The following VWA3B variants were observed in gnomAD, a reference collection of about 807,000 sequenced individuals.
VWA3B encodes von Willebrand factor A domain-containing protein 3B.
In VWA3B, 138 loss-of-function variants were observed where a neutral mutation model predicts 158.3. The ratio of observed to expected loss-of-function variants is 0.87; its 90% confidence interval spans 0.76 to 1.00. The LOEUF (loss-of-function observed/expected upper bound fraction) is 1.00, where lower values mean the gene tolerates loss of function less well. Among genes scored for constraint, VWA3B ranks in the 50% least tolerant of loss-of-function variants. VWA3B has a pLI of 0.00. For missense variants in VWA3B, 1,555 were observed against 1,565.1 expected, an observed-to-expected ratio of 0.99 and a Z score of 0.11; for synonymous variants, 596 against 587.3, an observed-to-expected ratio of 1.01 and a Z score of -0.21.
chr2:98,244,827 T>G (rs914347831), intron 19 of VWA3B, among the ~76,000 whole-genome samples: 1 of 152,184 alleles, frequency 6.6e-6, no homozygotes, highest in Non-Finnish European at 1.5e-5. Context: ...TAAATAGTAT[T>G]ATCACTATTG....
intron 2 of VWA3B, among the ~76,000 whole-genome samples, chr2:98,095,466 A>ATT (rs1682647154): frequency 6.6e-6 from 1 of 151,890 alleles, no homozygotes; most frequent in African/African-American, 2.4e-5. Flanking sequence ...TTTGTTGTTA[A>ATT]TTTTGTAGTC....
At chr2:98,259,031 A>G (rs1687325178) in intron 21 of VWA3B, among the ~76,000 whole-genome samples, 1 of 151,504 alleles carries the variant, frequency 6.6e-6, no homozygotes. Flanking sequence ...ATGATCATGG[A>G]TTTTTCCCTT....
intron 7 of VWA3B, among the ~76,000 whole-genome samples, chr2:98,135,065 A>C (rs1676157178): frequency 1.3e-5 from 2 of 152,196 alleles, no homozygotes; most frequent in Admixed American, 6.5e-5. Context: ...GAAGAAATTA[A>C]TTCAGGATAT....
At position 98,206,719 on chromosome 2, in the gene VWA3B, T is replaced by A. The variant is rs73963251; in HGVS notation, c.1738-5211T>A. 2,988 of 324,908 alleles carry A rather than the reference T, an allele frequency of 9.2e-3. 21 individuals are homozygous for A. The highest frequency in any genetic ancestry group is 0.028 in the African/African-American group (1,280 of 46,326). 20.1% of individuals were successfully genotyped at this position (324,908 alleles called of 1,614,324 possible). Reference sequence around the variant, plus strand: ...TGGTGGCTAGTATCAAAGTTGTGGATTTCCTCACTCCCTAGCCAAGAGTGG... The same window carrying A: ...TGGTGGCTAGTATCAAAGTTGTGGAATTCCTCACTCCCTAGCCAAGAGTGG... On this transcript the variant is annotated intron_variant, in intron 12 of 27. Transcript: ENST00000477737.
rs139622604 is a variant in VWA3B, at chr2:98,115,082, C to T, written c.197-570C>T. On this transcript the variant is annotated intron_variant, in intron 2 of 27. Transcript: ENST00000477737. ...AACCCTGAAAACCAAGTCCAAGTCA[C>T]GAATAACTTCCTATGTTGCTTTTTT... is the stretch of plus-strand genomic sequence containing the variant. Among the ~76,000 whole-genome samples the T allele has an allele frequency of 9.7e-3, 1,442 of 148,778 alleles. 29 individuals are homozygous for T. Among genetic ancestry groups the T allele is most frequent in the African/African-American group, 0.034 (1,394 of 40,412 alleles).
chr2:98,210,388 C>T (rs114166312), intron 12 of VWA3B, among the ~76,000 whole-genome samples: 2,134 of 152,248 alleles, frequency 0.014, 39 homozygotes, highest in Non-Finnish European at 0.019. Flanking sequence ...AGTGTTAGGT[C>T]GTCATATTCT....
At chr2:98,113,064 G>A (rs1674268078) in intron 2 of VWA3B, among the ~76,000 whole-genome samples, 1 of 151,012 alleles carries the variant, frequency 6.6e-6, no homozygotes, top group South Asian at 2.1e-4. Context: ...TATATATAAT[G>A]TTTATGGTAT....
At chr2:98,243,936 G>A (rs1347016581) in intron 19 of VWA3B, among the ~76,000 whole-genome samples, 1 of 152,170 alleles carries the variant, frequency 6.6e-6, no homozygotes, top group African/African-American at 2.4e-5. Context: ...TTTACTGGAA[G>A]AACTGATTTA....
rs1024531251 is a variant in VWA3B at position 98,287,009 on chromosome 2, T to C, written c.3046-3502T>C. Among the ~76,000 whole-genome samples the C allele has an allele frequency of 1.4e-4, 21 of 152,164 alleles. 1 individual carries two copies. Among genetic ancestry groups the C allele is most frequent in the Non-Finnish European group, 2.4e-4 (16 of 68,006 alleles). ...CTTCTCAAAATCACAATGCCACTAATTAGACAGGAAGATTTAGCCTCCTTT... is the reference window on the plus strand; with the variant it reads ...CTTCTCAAAATCACAATGCCACTAACTAGACAGGAAGATTTAGCCTCCTTT... On this transcript the variant is annotated intron_variant, in intron 22 of 27. Coordinates refer to ENST00000477737, the MANE Select transcript of VWA3B (RefSeq NM_144992.5).
intron 13 of VWA3B, among the ~76,000 whole-genome samples, chr2:98,213,170 G>T (rs1683684829): frequency 6.6e-6 from 1 of 152,188 alleles, no homozygotes; most frequent in African/African-American, 2.4e-5. Context: ...GGACACAGAG[G>T]TGTGGAAATA....
chr2:98,252,282 C>T lies in VWA3B; in HGVS notation c.2792+1846C>T, dbSNP rs181810995. 2.9e-3 allele frequency among the ~76,000 whole-genome samples: 443 copies of T among 152,274 alleles called. 7 individuals carry two copies. The highest frequency in any genetic ancestry group is 0.01 in the African/African-American group (419 of 41,524). Reference sequence around the variant, plus strand: ...TCCTGCATACCCTATTCCTAGCAGGCGTCTGTGTGTATATGACTATTCAAA... The same window carrying T: ...TCCTGCATACCCTATTCCTAGCAGGTGTCTGTGTGTATATGACTATTCAAA... On this transcript the variant is annotated intron_variant, in intron 20 of 27. Coordinates refer to ENST00000477737, the MANE Select transcript of VWA3B (RefSeq NM_144992.5).
chr2:98,168,815 A>G (rs1573968125), intron 8 of VWA3B, among the ~76,000 whole-genome samples: 1 of 152,330 alleles, frequency 6.6e-6, no homozygotes, highest in South Asian at 2.1e-4. Flanking sequence ...AAGATTTAAA[A>G]AAACCCGAAA....
At chr2:98,180,456 T>C (rs138400830) in intron 8 of VWA3B, among the ~76,000 whole-genome samples, 1,927 of 152,324 alleles carry the variant, frequency 0.013, 31 homozygotes, top group African/African-American at 0.043. Flanking sequence ...CCTCCCAAAG[T>C]GTTGGGATTA....
At chr2:98,187,152 C>A (rs1375896007) in intron 9 of VWA3B, among the ~76,000 whole-genome samples, 2 of 152,122 alleles carry the variant, frequency 1.3e-5, no homozygotes, top group Non-Finnish European at 1.5e-5. Flanking sequence ...GCTTTCCCTG[C>A]GAGGTTCTAA....
intron 22 of VWA3B, among the ~76,000 whole-genome samples, chr2:98,273,044 G>A (rs62157903): frequency 0.039 from 5,901 of 152,264 alleles, 167 homozygotes; most frequent in Middle Eastern, 0.075. Context: ...AAATTACCCA[G>A]TTGGTGGTAT....
At chr2:98,230,026 G>A (rs765551706) in intron 15 of VWA3B, 24 bp from the exon 16 acceptor site, 21 of 1,538,898 alleles carry the variant, frequency 1.4e-5, no homozygotes, top group Admixed American at 2.3e-5. Context: ...TTTTTTGCTC[G>A]ACTTTTTATC....
chr2:98,207,515 T>G lies in VWA3B; in HGVS notation c.1738-4415T>G, dbSNP rs77149975. 2.4e-3 allele frequency: 1,245 copies of G among 515,824 alleles called. 8 individuals carry two copies. The highest frequency in any genetic ancestry group is 0.022 in the African/African-American group (1,131 of 51,788). 32.0% of individuals were successfully genotyped at this position (515,824 alleles called of 1,614,324 possible). A position where few individuals can be genotyped will look rare whatever the true frequency, so the allele number is the denominator to read the frequency against. On this transcript the variant is annotated intron_variant, in intron 12 of 27. Coordinates refer to ENST00000477737, the MANE Select transcript of VWA3B (RefSeq NM_144992.5). ...GAAGACAAGTTGACTGTGTCTTGAA[T>G]GTGGATAATACAACGTTTCTTGTCT...
Position 98,166,799 on chromosome 2 carries a change from T to TAC in VWA3B, c.1114+3848_1114+3849dup, listed in dbSNP as rs58860649. On this transcript the variant is annotated intron_variant, in intron 8 of 27. Coordinates refer to ENST00000477737, the MANE Select transcript of VWA3B (RefSeq NM_144992.5). ...ATCAGTTCCCTTTGTTTTAATCTAA[T>TAC]ACACACACACACACACACACACACA... 2.6e-3 allele frequency among the ~76,000 whole-genome samples: 384 copies of TAC among 145,936 alleles called. 3 individuals carry two copies. The highest frequency in any genetic ancestry group is 3.9e-3 in the Non-Finnish European group (264 of 66,870).
In VWA3B at chr2:98,234,629, C is replaced by T. The variant is rs977114128; in HGVS notation, c.2309-19C>T. The T allele has an allele frequency of 5.0e-6, 8 of 1,613,920 alleles. No homozygotes were observed. The highest frequency in any genetic ancestry group is 6.8e-6 in the Non-Finnish European group (8 of 1,179,974). ...TCCATCCCCAATTCCTTTAACTCTT[C>T]CCTCTGTGATACCAACAGAATCAAC... On this transcript the variant is annotated intron_variant, in intron 16 of 27. Coordinates refer to ENST00000477737, the MANE Select transcript of VWA3B (RefSeq NM_144992.5).
Sources: gnomAD v4.1 joint callset for allele counts (sites outside exome capture counted in the v4.1 genomes callset) on GRCh38, gnomAD v4.1.1 for gene constraint, MANE v1.5 for transcripts, NCBI Gene and HGNC (gene_info 2026-07-23, HGNC 2026-07-21) for gene names.